YIPF5: variants seen among roughly 807,000 people sequenced by gnomAD.
The protein encoded by YIPF5 is protein YIPF5.
Under a neutral mutation model 30.4 loss-of-function variants are expected in YIPF5, and 8 were observed. The observed-to-expected ratio is 0.26, with a 90% CI of 0.15 to 0.47. YIPF5 has a LOEUF of 0.47. Among genes scored for constraint, YIPF5 ranks in the 20% least tolerant of loss-of-function variants. The probability of loss-of-function intolerance (pLI) is 0.99; values close to 1 mark genes in which losing one functional copy is unlikely to be tolerated. For synonymous variants in YIPF5, 104 were observed against 107.9 expected, an observed-to-expected ratio of 0.96 and a Z score of 0.23; for missense variants, 282 against 301.8, an observed-to-expected ratio of 0.93 and a Z score of 0.49.
At chr5:144,165,002 A>C (rs1020503012) in intron 3 of YIPF5, among the ~76,000 whole-genome samples, 1 of 152,112 alleles carries the variant, frequency 6.6e-6, no homozygotes, top group Non-Finnish European at 1.5e-5. Context: ...TTAGATTTTC[A>C]AAGAGTTATC....
In YIPF5 at chr5:144,158,337, T is replaced by C. The variant is rs550749444; in HGVS notation, c.*2060A>G. ...GAGCAACAGTTAAGCATAAAATAGCTTTGCACCTTATTATTTTGGAGCAAA... is the reference window on the plus strand; with the variant it reads ...GAGCAACAGTTAAGCATAAAATAGCCTTGCACCTTATTATTTTGGAGCAAA... On this transcript the variant is annotated 3_prime_UTR_variant, in exon 6 of 6. Transcript: ENST00000274496. The C allele has an allele frequency of 2.6e-5, 24 of 910,952 alleles. No individual in the cohort carries two copies. In the South Asian group the frequency reaches 3.5e-4, roughly 13 times the overall value. The allele number at this position is 910,952 out of a possible 1,614,324, so 56.4% of individuals were successfully genotyped here. A position where few individuals can be genotyped will look rare whatever the true frequency, so the allele number is the denominator to read the frequency against.
chr5:144,164,734 A>C (rs17101625), intron 3 of YIPF5, among the ~76,000 whole-genome samples: 4 of 152,064 alleles, frequency 2.6e-5, no homozygotes, highest in African/African-American at 9.7e-5. Flanking sequence ...TCTCTATGCC[A>C]GTCTTCAATG....
At chr5:144,160,654 A>T in intron 5 of YIPF5, 95 bp from the exon 6 acceptor site, 1 of 1,088,894 alleles carries the variant, frequency 9.2e-7, no homozygotes, top group Non-Finnish European at 1.2e-6. Context: ...AAGCATTTTA[A>T]ATTTACATTT....
intron 2 of YIPF5, 44 bp from the exon 3 acceptor site, chr5:144,165,648 C>A: frequency 6.2e-7 from 1 of 1,600,080 alleles, no homozygotes; most frequent in Non-Finnish European, 8.6e-7. Flanking sequence ...TATTTCAACT[C>A]TGTACAGTTA....
At chr5:144,167,843 A>G (rs1008236193) in intron 2 of YIPF5, among the ~76,000 whole-genome samples, 1 of 152,220 alleles carries the variant, frequency 6.6e-6, no homozygotes, top group Admixed American at 6.5e-5. Flanking sequence ...ATGGAGAGCT[A>G]AAAGTTATTA....
chr5:144,169,999 T>C, intron 1 of YIPF5, 34 bp from the exon 2 acceptor site: 2 of 1,549,016 alleles, frequency 1.3e-6, no homozygotes. Flanking sequence ...ATATTCCTTA[T>C]GCCCAAGGTT....
chr5:144,165,328 G>T, intron 3 of YIPF5, 104 bp downstream of exon 3: 1 of 1,457,420 alleles, frequency 6.9e-7, no homozygotes, highest in Non-Finnish European at 9.2e-7. Context: ...TTTTTCTACA[G>T]ATTATTTTTT....
At position 144,158,939 on chromosome 5, in the gene YIPF5, T is replaced by C. The variant is rs7448390; in HGVS notation, c.*1458A>G. On this transcript the variant is annotated 3_prime_UTR_variant, in exon 6 of 6. Transcript: ENST00000274496. ...TAAAAAAAAAAAAAAGGCAGTATTTTCCTCCCTGTACCATATCTTTCTCGT... is the reference window on the plus strand; with the variant it reads ...TAAAAAAAAAAAAAAGGCAGTATTTCCCTCCCTGTACCATATCTTTCTCGT... 0.21 allele frequency: 203,505 copies of C among 981,528 alleles called. 21,788 individuals carry two copies. The highest frequency in any genetic ancestry group is 0.4 in the East Asian group (3,489 of 8,766). 60.8% of individuals were successfully genotyped at this position (981,528 alleles called of 1,614,324 possible).
chr5:144,160,460 T>A lies in YIPF5; in HGVS notation c.711A>T (p.Gln237His). 1 of 1,614,170 alleles carries A rather than the reference T, an allele frequency of 6.2e-7. No individual in the cohort carries two copies. Among genetic ancestry groups the A allele is most frequent in the East Asian group, 2.2e-5 (1 of 44,858 alleles). ...AAGCGCAAGGATATGCTACTAAAAG[T>A]TGCTGTCCTTCCATGGCTAATGCAG... The part of the protein sequence containing the change: ...FISALAMEGQ[Q>H]LLVAYPCALL... Residue 237 changes from glutamine to histidine, a missense_variant, in exon 6 of 6, where the codon CAA (glutamine) becomes CAT (histidine). Transcript: ENST00000274496.
Position 144,160,102 on chromosome 5 carries a change from C to A in YIPF5, c.*295G>T. On this transcript the variant is annotated 3_prime_UTR_variant, in exon 6 of 6. Coordinates refer to ENST00000274496, the MANE Select transcript of YIPF5 (RefSeq NM_030799.9). ...ACAGTTGATAAAAATCTATCAAAAA[C>A]ATTATAATTTGCAAGGAAAAAGGTT... The A allele has an allele frequency of 9.5e-7, 1 of 1,055,376 alleles. No homozygotes were observed. Among genetic ancestry groups the A allele is most frequent in the Non-Finnish European group, 1.1e-6 (1 of 876,414 alleles). 65.4% of individuals were successfully genotyped at this position (1,055,376 alleles called of 1,614,324 possible). A position where few individuals can be genotyped will look rare whatever the true frequency, so the allele number is the denominator to read the frequency against.
chr5:144,165,540 G>C lies in YIPF5; in HGVS notation c.175C>G (p.Gln59Glu), dbSNP rs368988641. 1.2e-6 allele frequency: 2 copies of C among 1,614,124 alleles called. No homozygotes were observed. ...RFVPPDMMQP[Q>E]QPYTGQIYQP... is the part of the protein sequence containing the mutation. Reference sequence around the variant, plus strand: ...TAAATCTGCCCGGTGTATGGCTGTTGTGGCTGCATCATGTCTGGAGGGACA... The same window carrying C: ...TAAATCTGCCCGGTGTATGGCTGTTCTGGCTGCATCATGTCTGGAGGGACA... The change falls in exon 3 of 6, where the codon CAA (glutamine) becomes GAA (glutamate). Residue 59 changes from glutamine to glutamate, a missense_variant. Coordinates refer to ENST00000274496, the MANE Select transcript of YIPF5 (RefSeq NM_030799.9).
At chr5:144,165,994 C>T (rs1752192649) in intron 2 of YIPF5, among the ~76,000 whole-genome samples, 1 of 152,040 alleles carries the variant, frequency 6.6e-6, no homozygotes, top group African/African-American at 2.4e-5. Context: ...CTGAATGAAA[C>T]CTTAGGATGT....
rs758865169 is a variant in YIPF5, at chr5:144,160,483, C to A, written c.688G>T (p.Ala230Ser). Residue 230 changes from alanine to serine, a missense_variant, in exon 6 of 6, where the codon GCA becomes TCA. Transcript: ENST00000274496. ...AGTTGCTGTCCTTCCATGGCTAATG[C>A]AGAAATAAATATTTTGGAAGCAGAA... ...SFSASKIFISALAMEGQQLLV... is the reference protein window; with the variant it reads ...SFSASKIFISSLAMEGQQLLV... 5 of 1,613,958 alleles carry A rather than the reference C, an allele frequency of 3.1e-6. No homozygotes were observed. The highest frequency in any genetic ancestry group is 4.2e-6 in the Non-Finnish European group (5 of 1,179,990).
chr5:144,162,170 C>T, intron 5 of YIPF5, 48 bp downstream of exon 5: 1 of 1,564,526 alleles, frequency 6.4e-7, no homozygotes, highest in Non-Finnish European at 8.7e-7. Context: ...GTGAATCCTA[C>T]TACATAGAAT....
At chr5:144,160,882 C>A (rs1752019365) in intron 5 of YIPF5, among the ~76,000 whole-genome samples, 1 of 152,102 alleles carries the variant, frequency 6.6e-6, no homozygotes, top group Admixed American at 6.6e-5. Context: ...GTCCTGTGCA[C>A]TGTCAGAATG....
chr5:144,162,795 C>T (rs1752086188), intron 4 of YIPF5, among the ~76,000 whole-genome samples: 1 of 152,204 alleles, frequency 6.6e-6, no homozygotes, highest in Admixed American at 6.5e-5. Context: ...GTACCTAATT[C>T]CACCAAAAAT....
chr5:144,161,596 T>A (rs1032073206), intron 5 of YIPF5, among the ~76,000 whole-genome samples: 1 of 152,142 alleles, frequency 6.6e-6, no homozygotes, highest in Non-Finnish European at 1.5e-5. Context: ...TCTGCCCGCC[T>A]AGGCCTCCCA....
At chr5:144,166,894 G>GAAT (rs1752217499) in intron 2 of YIPF5, among the ~76,000 whole-genome samples, 1 of 152,134 alleles carries the variant, frequency 6.6e-6, no homozygotes, top group South Asian at 2.1e-4. Flanking sequence ...ATAGAGTGAT[G>GAAT]AATAATATGA....
intron 5 of YIPF5, among the ~76,000 whole-genome samples, chr5:144,160,920 T>G (rs1327904875): frequency 1.3e-5 from 2 of 152,122 alleles, no homozygotes; most frequent in Admixed American, 6.5e-5. Context: ...CCTCTGTACA[T>G]AAGATATAAG....
Sources: gnomAD v4.1 joint callset for allele counts (sites outside exome capture counted in the v4.1 genomes callset) on GRCh38, gnomAD v4.1.1 for gene constraint, MANE v1.5 for transcripts, NCBI Gene and HGNC (gene_info 2026-07-23, HGNC 2026-07-21) for gene names.